Variants in KLHL11 observed in about 807,000 individuals in gnomAD.
KLHL11 encodes the protein kelch-like protein 11.
In KLHL11, 26 loss-of-function variants were observed where a neutral mutation model predicts 56.1. The observed-to-expected ratio is 0.46, with a 90% CI of 0.34 to 0.64. The LOEUF (loss-of-function observed/expected upper bound fraction) is 0.64. Ranked by LOEUF, KLHL11 falls within the 30% of genes least tolerant of loss-of-function variation. The pLI, the probability that KLHL11 is intolerant of heterozygous loss-of-function variation, is 0.01. For synonymous variants in KLHL11, 338 were observed against 345.8 expected (o/e 0.98, Z 0.25); for missense variants, 627 against 919.4 (o/e 0.68, Z 4.11).
At position 41,854,737 on chromosome 17, in the gene KLHL11, C is replaced by T. The variant is rs782115934; in HGVS notation, c.1130G>A (p.Cys377Tyr). 2 of 1,614,188 alleles carry T rather than the reference C, an allele frequency of 1.2e-6. No individual in the cohort carries two copies. Among genetic ancestry groups the T allele is most frequent in the East Asian group, 2.2e-5 (1 of 44,886 alleles). The change falls in exon 2 of 2, where the codon TGT (cysteine) becomes TAT (tyrosine). Residue 377 changes from cysteine to tyrosine, a missense_variant. Cys to Tyr is a radical substitution (Grantham distance 194). Transcript: ENST00000319121. The surrounding 1 kb of genome is among the most constrained non-coding windows in gnomAD (Gnocchi z 4.9). ...GTCCTCATCAACAAAGTATCCCACA[C>T]ATTCACTTAAATAGTCCCCTCCTTC... ...VSEGGDYLSE[C>Y]VGYFVDEDRW...
Position 41,865,280 on chromosome 17 carries a change from C to G in KLHL11, c.91G>C (p.Ala31Pro). 1 of 1,569,090 alleles carries G rather than the reference C, an allele frequency of 6.4e-7. No homozygotes were observed. Among genetic ancestry groups the G allele is most frequent in the South Asian group, 1.2e-5 (1 of 85,918 alleles). The change falls in exon 1 of 2, where the codon GCC becomes CCC. Residue 31 changes from alanine to proline, a missense_variant. By Grantham distance (27) the Ala-to-Pro change is conservative. Transcript: ENST00000319121. Reference protein sequence around the residue: ...LEMESMETAAAGSAGLAAEVR... With the variant: ...LEMESMETAAPGSAGLAAEVR... ...TCGGCGGCCAGTCCTGCCGAGCCGG[C>G]GGCGGCCGTCTCCATGCTCTCCATC... is the stretch of plus-strand genomic sequence containing the variant.
chr17:41,853,634 T>C lies in KLHL11; in HGVS notation c.*106A>G. 1.5e-6 allele frequency: 2 copies of C among 1,327,576 alleles called. No homozygotes were observed. Among genetic ancestry groups the C allele is most frequent in the African/African-American group, 1.5e-5 (1 of 68,250 alleles). 82.2% of individuals were successfully genotyped at this position (1,327,576 alleles called of 1,614,324 possible). A position where few individuals can be genotyped will look rare whatever the true frequency, so the allele number is the denominator to read the frequency against. On this transcript the variant is annotated 3_prime_UTR_variant, in exon 2 of 2. Coordinates refer to ENST00000319121, the MANE Select transcript of KLHL11 (RefSeq NM_018143.3). The stretch of plus-strand genomic sequence containing the variant: ...TTCCTTTATATGGGGTAATAATCAG[T>C]TCATGTAGAAAATAAGTTATCGACA...
chr17:41,863,047 A>G (rs1204403268), intron 1 of KLHL11, among the ~76,000 whole-genome samples: 1 of 152,010 alleles, frequency 6.6e-6, no homozygotes, highest in Admixed American at 6.6e-5. Context: ...CTTTCAAAAT[A>G]TATCTGGAAC....
At chr17:41,857,429 C>T (rs1463890881) in intron 1 of KLHL11, among the ~76,000 whole-genome samples, 1 of 151,070 alleles carries the variant, frequency 6.6e-6, no homozygotes, top group South Asian at 2.1e-4. Flanking sequence ...ATGGCTTGAA[C>T]CCAGGAGGCA....
intron 1 of KLHL11, among the ~76,000 whole-genome samples, chr17:41,861,059 G>C (rs2048399452): frequency 6.6e-6 from 1 of 152,162 alleles, no homozygotes; most frequent in Admixed American, 6.5e-5. Context: ...TCAGATCGAG[G>C]AAAGACGCAC....
chr17:41,855,352 T>C, intron 1 of KLHL11, 31 bp from the exon 2 acceptor site: 1 of 1,465,554 alleles, frequency 6.8e-7, no homozygotes, highest in Non-Finnish European at 9.2e-7. Context: ...AAAGATTAAT[T>C]TTTCAAATGT....
chr17:41,856,823 G>A (rs954858222), intron 1 of KLHL11, among the ~76,000 whole-genome samples: 1 of 151,444 alleles, frequency 6.6e-6, no homozygotes, highest in Non-Finnish European at 1.5e-5. Flanking sequence ...TTGAGACCAG[G>A]CTGGCCAACA....
At position 41,854,057 on chromosome 17, in the gene KLHL11, T is replaced by C. The variant is rs1487504227; in HGVS notation, c.1810A>G (p.Ile604Val). The C allele has an allele frequency of 3.7e-6, 6 of 1,614,064 alleles. No homozygotes were observed. The highest frequency in any genetic ancestry group is 2.7e-5 in the African/African-American group (2 of 74,932). Residue 604 changes from isoleucine (I) to valine (V), a missense_variant, in exon 2 of 2, where the codon ATT (isoleucine) becomes GTT (valine). Ile to Val is a conservative substitution (Grantham distance 29). Around this residue, in one of 4 missense-constraint regions of KLHL11, gnomAD observed 250 missense variants for 360.6 expected, o/e 0.69. Transcript: ENST00000319121. This position sits in a 1 kb window ranked among gnomAD's most constrained non-coding sequence, Gnocchi z 4.9. ...AAGACATCATCTTTGTAATAGCAAA[T>C]GGCTGCTCCTTCGATGCTTAGGACT... ...PEVLSIEGAA[I>V]CYYKDDVFII...
In KLHL11 at chr17:41,853,866, A is replaced by G; in HGVS notation, c.2001T>C (p.His667=). The G allele has an allele frequency of 6.2e-7, 1 of 1,614,188 alleles. No individual in the cohort carries two copies. Among genetic ancestry groups the G allele is most frequent in the Non-Finnish European group, 8.5e-7 (1 of 1,180,040 alleles). ...GAGGCATAGGGTATCTCTGTGTGCC[A>G]TGCAAGTACCGGTATGGGATCCTCA... ...CHVRIPYRYL[H]GTQRYPMPQN... Residue 667 remains histidine, a synonymous_variant, in exon 2 of 2, where the codon CAT becomes CAC. Transcript: ENST00000319121.
chr17:41,858,384 A>C (rs2048379883), intron 1 of KLHL11, among the ~76,000 whole-genome samples: 1 of 138,832 alleles, frequency 7.2e-6, no homozygotes, highest in African/African-American at 2.6e-5. Flanking sequence ...ATGCCACCAA[A>C]CCCAGATATA....
rs565710040 is a variant in KLHL11 at position 41,848,956 on chromosome 17, T to C, written c.*4784A>G. 1.3e-5 allele frequency: 2 copies of C among 152,416 alleles called. No individual in the cohort carries two copies. The highest frequency in any genetic ancestry group is 4.8e-5 in the African/African-American group (2 of 41,574). The allele number at this position is 152,416 out of a possible 1,614,324, so 9.4% of individuals were successfully genotyped here. A position where few individuals can be genotyped will look rare whatever the true frequency, so the allele number is the denominator to read the frequency against. On this transcript the variant is annotated 3_prime_UTR_variant, in exon 2 of 2. Transcript: ENST00000319121. Reference sequence around the variant, plus strand: ...TACAAGTGTAATAAACAAACCGCAGTGATTTTGCTATCTAATTAAATTACT... The same window carrying C: ...TACAAGTGTAATAAACAAACCGCAGCGATTTTGCTATCTAATTAAATTACT...
At chr17:41,861,686 C>CAAAAAAAAAAA (rs71155178) in intron 1 of KLHL11, among the ~76,000 whole-genome samples, 11 of 61,870 alleles carry the variant, frequency 1.8e-4, no homozygotes, top group Non-Finnish European at 2.3e-4. Flanking sequence ...ACTCTTGTCT[C>CAAAAAAAAAAA]AAAAAAAAAA....
rs911266485 is a variant in KLHL11, at chr17:41,854,287, T to C, written c.1580A>G (p.Tyr527Cys). 1.2e-6 allele frequency: 2 copies of C among 1,614,214 alleles called. No homozygotes were observed. Among genetic ancestry groups the C allele is most frequent in the South Asian group, 1.1e-5 (1 of 91,078 alleles). The part of the protein sequence containing the change: ...EDGLKAVITC[Y>C]DTETRQWQDV... The stretch of plus-strand genomic sequence containing the variant: ...TTGCCACTGTCGAGTCTCTGTATCA[T>C]AGCAAGTAATTACAGCCTTTAATCC... The change falls in exon 2 of 2, where the codon TAT (tyrosine) becomes TGT (cysteine). Residue 527 changes from tyrosine to cysteine, a missense_variant. Coordinates refer to ENST00000319121, the MANE Select transcript of KLHL11 (RefSeq NM_018143.3). This position sits in a 1 kb window ranked among gnomAD's most constrained non-coding sequence, Gnocchi z 4.9.
chr17:41,865,105 C>A lies in KLHL11; in HGVS notation c.266G>T (p.Arg89Leu). 1 of 1,603,768 alleles carries A rather than the reference C, an allele frequency of 6.2e-7. No homozygotes were observed. Among genetic ancestry groups the A allele is most frequent in the Non-Finnish European group, 8.5e-7 (1 of 1,174,210 alleles). Reference protein sequence around the residue: ...ELSWRQNEQRRQGLFCDITLC... With the variant: ...ELSWRQNEQRLQGLFCDITLC... The stretch of plus-strand genomic sequence containing the variant: ...GGTAATGTCGCAGAAGAGGCCCTGG[C>A]GCCGCTGCTCGTTCTGCCGCCAGGA... The change falls in exon 1 of 2, where the codon CGC (arginine) becomes CTC (leucine). Residue 89 changes from arginine to leucine, a missense_variant. Physicochemically the swap from Arg to Leu is moderately radical, Grantham distance 102 (BLOSUM62 -2). Coordinates refer to ENST00000319121, the MANE Select transcript of KLHL11 (RefSeq NM_018143.3).
intron 1 of KLHL11, among the ~76,000 whole-genome samples, chr17:41,857,122 G>A (rs1318873153): frequency 6.6e-6 from 1 of 152,140 alleles, no homozygotes; most frequent in African/African-American, 2.4e-5. Flanking sequence ...GCTGAGGTCA[G>A]GAGTTCAAGG....
At position 41,865,034 on chromosome 17, in the gene KLHL11, A is replaced by G; in HGVS notation, c.337T>C (p.Ser113Pro). 4.4e-6 allele frequency: 7 copies of G among 1,589,384 alleles called. No individual in the cohort carries two copies. The highest frequency in any genetic ancestry group is 6.0e-6 in the Non-Finnish European group (7 of 1,165,398). ...TACTCGGTGGCGGCAGCCAGTACCG[A>G]GCGGTGGGCCCGGAACTCGCGGCCT... ...AGGREFRAHR[S>P]VLAAATEYFT... Residue 113 changes from serine to proline, a missense_variant, in exon 1 of 2, where the codon TCG (serine) becomes CCG (proline). Around this residue, in one of 4 missense-constraint regions of KLHL11, gnomAD observed 150 missense variants for 215.7 expected, o/e 0.70. Coordinates refer to ENST00000319121, the MANE Select transcript of KLHL11 (RefSeq NM_018143.3).
Position 41,852,993 on chromosome 17 carries a change from A to G in KLHL11, c.*747T>C, listed in dbSNP as rs971775226. ...AGTCTACACTAATACTTTTCTTCTT[A>G]GAGAAACAAAGTTCACACATGTAAC... On this transcript the variant is annotated 3_prime_UTR_variant, in exon 2 of 2. Transcript: ENST00000319121. Among the ~76,000 whole-genome samples the G allele has an allele frequency of 1.1e-4, 16 of 152,236 alleles. No individual in the cohort carries two copies. The highest frequency in any genetic ancestry group is 1.5e-4 in the Non-Finnish European group (10 of 68,036).
chr17:41,862,279 AT>A (rs1168636204), intron 1 of KLHL11, among the ~76,000 whole-genome samples: 61 of 112,276 alleles, frequency 5.4e-4, no homozygotes, highest in Admixed American at 6.2e-4. Flanking sequence ...GTATTTATTT[AT>A]TTTTTTTTTT....
Position 41,865,035 on chromosome 17 carries a change from G to C in KLHL11, c.336C>G (p.Arg112=). The C allele has an allele frequency of 6.3e-7, 1 of 1,589,180 alleles. No individual in the cohort carries two copies. Among genetic ancestry groups the C allele is most frequent in the Non-Finnish European group, 8.6e-7 (1 of 1,165,266 alleles). ...GAGGREFRAH[R]SVLAAATEYF... ...ACTCGGTGGCGGCAGCCAGTACCGA[G>C]CGGTGGGCCCGGAACTCGCGGCCTC... is the stretch of plus-strand genomic sequence containing the variant. Residue 112 remains arginine (R), a synonymous_variant, in exon 1 of 2, where the codon CGC becomes CGG. Coordinates refer to ENST00000319121, the MANE Select transcript of KLHL11 (RefSeq NM_018143.3).
Sources: allele counts gnomAD v4.1 joint callset (sites outside exome capture counted in the v4.1 genomes callset), GRCh38; gene constraint gnomAD v4.1.1; regional missense constraint gnomAD v4.1.1; non-coding constraint Gnocchi (gnomAD v3.1); transcripts MANE v1.5; gene names NCBI Gene and HGNC (gene_info 2026-07-23, HGNC 2026-07-21).